Variants in KCNG3 observed in about 807,000 individuals in gnomAD.
KCNG3 encodes potassium voltage-gated channel modifier subfamily G member 3.
In KCNG3, 15 loss-of-function variants were observed where a neutral mutation model predicts 29.0. The ratio of observed to expected loss-of-function variants is 0.52; its 90% confidence interval spans 0.35 to 0.80. The LOEUF is 0.80. Among genes scored for constraint, KCNG3 ranks in the 30% least tolerant of loss-of-function variants. The probability of loss-of-function intolerance (pLI) is 0.01; values close to 1 mark genes in which losing one functional copy is unlikely to be tolerated. For synonymous variants in KCNG3, 322 were observed against 248.9 expected (o/e 1.29, Z -2.76); for missense variants, 512 against 605.7 (o/e 0.85, Z 1.62).
chr2:42,472,397 G>A (rs1673311711), intron 1 of KCNG3, among the ~76,000 whole-genome samples: 5 of 152,088 alleles, frequency 3.3e-5, no homozygotes. Flanking sequence ...TATATTAAAT[G>A]TATTTTTAAG....
chr2:42,480,408 C>T (rs1313481397), intron 1 of KCNG3, among the ~76,000 whole-genome samples: 1 of 152,176 alleles, frequency 6.6e-6, no homozygotes, highest in Non-Finnish European at 1.5e-5. Context: ...CACCACCATT[C>T]TAAATCAGGG....
At chr2:42,481,410 C>T (rs908236444) in intron 1 of KCNG3, among the ~76,000 whole-genome samples, 1 of 152,136 alleles carries the variant, frequency 6.6e-6, no homozygotes, top group Non-Finnish European at 1.5e-5. Flanking sequence ...GTGAGCTAGC[C>T]AAGAAACCCA....
At chr2:42,487,988 T>C (rs1673771315) in intron 1 of KCNG3, among the ~76,000 whole-genome samples, 5 of 152,214 alleles carry the variant, frequency 3.3e-5, no homozygotes, top group African/African-American at 1.2e-4. Flanking sequence ...GACTGTGTAT[T>C]ACACTGTATT....
intron 1 of KCNG3, among the ~76,000 whole-genome samples, chr2:42,452,243 A>ATTTATATTTTT (rs1672777546): frequency 1.1e-5 from 1 of 95,066 alleles, no homozygotes; most frequent in Admixed American, 1.1e-4. Context: ...ATATATATAT[A>ATTTATATTTTT]TTTTTTTTTT....
At chr2:42,409,508 A>G in the KCNG3 span, among the ~76,000 whole-genome samples, 1 of 151,846 alleles carries the variant, frequency 6.6e-6, no homozygotes, top group African/African-American at 2.4e-5. Flanking sequence ...GTTTGAGACC[A>G]GCACAGGCAA....
At chr2:42,486,810 C>T (rs1405582981) in intron 1 of KCNG3, among the ~76,000 whole-genome samples, 1 of 152,206 alleles carries the variant, frequency 6.6e-6, no homozygotes, top group Non-Finnish European at 1.5e-5. Context: ...CCCATACTGT[C>T]TGGCACAGCG....
At chr2:42,419,150 G>C in the KCNG3 span, among the ~76,000 whole-genome samples, 2 of 147,230 alleles carry the variant, frequency 1.4e-5, no homozygotes, top group African/African-American at 5.0e-5. Context: ...TAATGTTCCT[G>C]ACAGGCCTGT....
chr2:42,435,839 CT>C, the KCNG3 span, among the ~76,000 whole-genome samples: 4 of 152,156 alleles, frequency 2.6e-5, no homozygotes, highest in African/African-American at 9.7e-5. Flanking sequence ...TTGGCAGCTC[CT>C]CAAAAAGTTA....
chr2:42,444,668 T>C lies in KCNG3; in HGVS notation c.666-89A>G, dbSNP rs1446529000. 3 of 1,172,550 alleles carry C rather than the reference T, an allele frequency of 2.6e-6. No homozygotes were observed. The highest frequency in any genetic ancestry group is 3.6e-6 in the Non-Finnish European group (3 of 827,718). 72.6% of individuals were successfully genotyped at this position (1,172,550 alleles called of 1,614,324 possible). On this transcript the variant is annotated intron_variant, in intron 1 of 1. Transcript: ENST00000306078. This position sits in a 1 kb window ranked among gnomAD's most constrained non-coding sequence, Gnocchi z 5.8. ...TTCTTCAGATAGTACTACACTGACA[T>C]ACTAATTCAGTTACTTTTCCAGAAA...
intron 1 of KCNG3, among the ~76,000 whole-genome samples, chr2:42,471,201 T>TATA (rs1673280934): frequency 6.6e-6 from 1 of 150,784 alleles, no homozygotes; most frequent in African/African-American, 2.4e-5. Context: ...TATATATATA[T>TATA]TCACACAAAA....
intron 1 of KCNG3, among the ~76,000 whole-genome samples, chr2:42,471,507 G>C (rs766845467): frequency 6.6e-5 from 10 of 152,098 alleles, no homozygotes; most frequent in Non-Finnish European, 1.3e-4. Flanking sequence ...GGAACAGGGT[G>C]TGACTACCTA....
downstream of KCNG3, among the ~76,000 whole-genome samples, chr2:42,438,044 C>T (rs557840984): frequency 6.6e-6 from 1 of 151,758 alleles, no homozygotes; most frequent in South Asian, 2.1e-4. Flanking sequence ...TTACTCTCTA[C>T]TAAGAAAGTA....
At chr2:42,400,792 T>C in the KCNG3 span, among the ~76,000 whole-genome samples, 1 of 152,266 alleles carries the variant, frequency 6.6e-6, no homozygotes, top group East Asian at 1.9e-4. Flanking sequence ...GGGTTTTTTT[T>C]TTCCCCTATG....
chr2:42,435,577 T>TA, the KCNG3 span, among the ~76,000 whole-genome samples: 5 of 152,196 alleles, frequency 3.3e-5, no homozygotes, highest in Admixed American at 1.3e-4. Context: ...ACAACTTTTT[T>TA]AAAAAACCTA....
chr2:42,447,537 CAG>C (rs1226890673), intron 1 of KCNG3, among the ~76,000 whole-genome samples: 218 of 149,270 alleles, frequency 1.5e-3, no homozygotes, highest in African/African-American at 5.1e-3. Flanking sequence ...TTTTTTGAAA[CAG>C]GGTCTTACTC....
the KCNG3 span, among the ~76,000 whole-genome samples, chr2:42,432,251 C>G: frequency 6.6e-6 from 1 of 152,110 alleles, no homozygotes; most frequent in Non-Finnish European, 1.5e-5. Flanking sequence ...ACAACAACAA[C>G]AAGAAAACCC....
chr2:42,389,479 A>T, the KCNG3 span, among the ~76,000 whole-genome samples: 35 of 152,376 alleles, frequency 2.3e-4, no homozygotes, highest in East Asian at 6.2e-3. Context: ...AAAGATTTTA[A>T]TGAGCAGTGT....
chr2:42,471,544 G>A (rs1270156008), intron 1 of KCNG3, among the ~76,000 whole-genome samples: 1 of 152,104 alleles, frequency 6.6e-6, no homozygotes, highest in East Asian at 1.9e-4. Context: ...TTGGGGTGAT[G>A]AAAATGTTCT....
In KCNG3 at chr2:42,443,572, C is replaced by T. The variant is rs1672532963; in HGVS notation, c.*362G>A. 5.9e-6 allele frequency: 1 copy of T among 170,452 alleles called. No individual in the cohort carries two copies. Among genetic ancestry groups the T allele is most frequent in the African/African-American group, 2.4e-5 (1 of 42,146 alleles). 10.6% of individuals were successfully genotyped at this position (170,452 alleles called of 1,614,324 possible). A position where few individuals can be genotyped will look rare whatever the true frequency, so the allele number is the denominator to read the frequency against. ...TCTCAAACAAAAAACACTATAAGTT[C>T]CAAGCTTCTTCTGAATTCATAAGAT... On this transcript the variant is annotated 3_prime_UTR_variant, in exon 2 of 2. Transcript: ENST00000306078.
Sources: gnomAD v4.1 joint callset for allele counts (sites outside exome capture counted in the v4.1 genomes callset) on GRCh38, gnomAD v4.1.1 for gene constraint, Gnocchi (gnomAD v3.1) non-coding constraint, MANE v1.5 for transcripts, NCBI Gene and HGNC (gene_info 2026-07-23, HGNC 2026-07-21) for gene names.